TNRC6B: variants seen among roughly 807,000 people sequenced by gnomAD.
TNRC6B encodes trinucleotide repeat containing adaptor 6B.
TNRC6B carries 52 observed loss-of-function variants against 203.6 expected under a neutral mutation model. The ratio of observed to expected loss-of-function variants is 0.26; its 90% CI spans 0.20 to 0.32. The LOEUF (loss-of-function observed/expected upper bound fraction) is 0.32. Ranked by LOEUF, TNRC6B falls within the 10% of genes least tolerant of loss-of-function variation. The pLI, the probability that TNRC6B is intolerant of heterozygous loss-of-function variation, is 1.00. For synonymous variants in TNRC6B, 838 were observed against 845.7 expected, an observed-to-expected ratio of 0.99 and a Z score of 0.16; for missense variants, 1,923 against 2,286.2, an observed-to-expected ratio of 0.84 and a Z score of 3.24.
chr22:40,131,418 T>C (rs2068544176), intron 3 of TNRC6B, among the ~76,000 whole-genome samples: 1 of 151,606 alleles, frequency 6.6e-6, no homozygotes, highest in Non-Finnish European at 1.5e-5. Flanking sequence ...TTTTTTTTTT[T>C]CTCTGCCAGA....
intron 1 of TNRC6B, among the ~76,000 whole-genome samples, chr22:40,060,546 T>C (rs1247268619): frequency 6.6e-5 from 10 of 152,180 alleles, no homozygotes; most frequent in African/African-American, 1.4e-4. Flanking sequence ...TACCAAAGAA[T>C]AGACTTTGTG....
intron 3 of TNRC6B, among the ~76,000 whole-genome samples, chr22:40,137,635 A>G (rs1310901231): frequency 6.6e-6 from 1 of 152,100 alleles, no homozygotes; most frequent in Non-Finnish European, 1.5e-5. Context: ...GGCAATAGGG[A>G]ACTATTGAAG....
intron 5 of TNRC6B, among the ~76,000 whole-genome samples, chr22:40,267,657 G>A (rs756432417): frequency 5.9e-5 from 9 of 152,180 alleles, no homozygotes; most frequent in Non-Finnish European, 1.2e-4. Flanking sequence ...TTGAGCCCAG[G>A]AGTTTGAGAC....
intron 1 of TNRC6B, among the ~76,000 whole-genome samples, chr22:40,198,783 A>G (rs549496759): frequency 1.3e-5 from 2 of 152,276 alleles, no homozygotes; most frequent in East Asian, 3.9e-4. Flanking sequence ...AAAGGCATGC[A>G]TGCATGTGTA....
chr22:40,117,543 C>CCCACAG (rs2068400804), intron 2 of TNRC6B, among the ~76,000 whole-genome samples: 1 of 152,166 alleles, frequency 6.6e-6, no homozygotes, highest in Admixed American at 6.5e-5. Flanking sequence ...CAGATGTTGT[C>CCCACAG]CCACAGATCC....
chr22:40,084,252 G>A (rs1040746062), intron 1 of TNRC6B, among the ~76,000 whole-genome samples: 2 of 152,202 alleles, frequency 1.3e-5, no homozygotes, highest in Non-Finnish European at 2.9e-5. Flanking sequence ...CAGTTGAAAA[G>A]TTGTTTGCAT....
intron 1 of TNRC6B, among the ~76,000 whole-genome samples, chr22:40,236,206 T>A (rs2069945305): frequency 1.3e-5 from 2 of 152,204 alleles, no homozygotes. Flanking sequence ...CACCATCAAA[T>A]ACAGGACAGT....
chr22:40,055,396 G>C (rs1280146415), intron 1 of TNRC6B, among the ~76,000 whole-genome samples: 1 of 152,120 alleles, frequency 6.6e-6, no homozygotes, highest in Admixed American at 6.6e-5. Context: ...GTAGAGGCAT[G>C]GGGGAGCGTT....
chr22:40,180,857 T>C (rs1444142307), intron 1 of TNRC6B, among the ~76,000 whole-genome samples: 2 of 152,168 alleles, frequency 1.3e-5, no homozygotes, highest in African/African-American at 4.8e-5. Context: ...AAGTTTCTTA[T>C]TGGAGAAAGT....
At chr22:40,154,596 T>C (rs920532895) in intron 3 of TNRC6B, among the ~76,000 whole-genome samples, 1 of 151,240 alleles carries the variant, frequency 6.6e-6, no homozygotes, top group African/African-American at 2.4e-5. Context: ...ATCCTAGCAC[T>C]TTGGGAGGCC....
At position 40,267,183 on chromosome 22, in the gene TNRC6B, A is replaced by T. The variant is rs2070494024; in HGVS notation, c.2806+147A>T. 3.6e-6 allele frequency: 3 copies of T among 825,480 alleles called. No individual in the cohort carries two copies. The East Asian group carries it at 8.9e-5, about 24-fold the overall frequency. The allele number at this position is 825,480 out of a possible 1,614,324, so 51.1% of individuals were successfully genotyped here. A position where few individuals can be genotyped will look rare whatever the true frequency, so the allele number is the denominator to read the frequency against. On this transcript the variant is annotated intron_variant, in intron 5 of 22. Transcript: ENST00000454349. ...TCTGTTGCTAACAGAACCTCTTTTT[A>T]TGAAATGCTAGTGATGGCAGATGCT... is the stretch of plus-strand genomic sequence containing the variant.
At chr22:40,202,260 G>GTTTTTGTTTTTTTTT (rs761983025) in intron 1 of TNRC6B, among the ~76,000 whole-genome samples, 5 of 129,770 alleles carry the variant, frequency 3.9e-5, no homozygotes, top group African/African-American at 1.4e-4. Flanking sequence ...TTGTTTTTTT[G>GTTTTTGTTTTTTTTT]TTTTTTTTTT....
chr22:40,318,363 T>C lies in TNRC6B; in HGVS notation c.4974+2351T>C, dbSNP rs145117347. Among the ~76,000 whole-genome samples, 629 of 152,150 alleles carry C rather than the reference T, an allele frequency of 4.1e-3. 9 individuals carry two copies. The South Asian group carries it at 0.054, about 13-fold the overall frequency. The stretch of plus-strand genomic sequence containing the variant: ...GCAATCGAGACCATCCTGGCTAACA[T>C]GGTGAAACCCCATCTTTACTAAAAA... On this transcript the variant is annotated intron_variant, in intron 21 of 22. Coordinates refer to ENST00000454349, the MANE Select transcript of TNRC6B (RefSeq NM_001162501.2).
At chr22:40,123,894 C>CT (rs58632540) in intron 2 of TNRC6B, among the ~76,000 whole-genome samples, 41,444 of 135,806 alleles carry the variant, frequency 0.31, 7,915 homozygotes, top group African/African-American at 0.54. Context: ...AGAAAGAGAA[C>CT]TTTTTTTTTT....
chr22:40,072,726 T>TG (rs1306010325), intron 1 of TNRC6B, among the ~76,000 whole-genome samples: 1 of 151,828 alleles, frequency 6.6e-6, no homozygotes, highest in Non-Finnish European at 1.5e-5. Context: ...TAGCCGGGCA[T>TG]GGTGGCACGT....
intron 1 of TNRC6B, among the ~76,000 whole-genome samples, chr22:40,092,128 C>T (rs896208828): frequency 6.6e-5 from 10 of 152,150 alleles, no homozygotes; most frequent in Non-Finnish European, 5.9e-5. Flanking sequence ...TGAGGCCAGG[C>T]GTGTTGGCTC....
chr22:40,175,850 T>C (rs991112981), upstream of TNRC6B, among the ~76,000 whole-genome samples: 1 of 152,228 alleles, frequency 6.6e-6, no homozygotes, highest in Admixed American at 6.5e-5. Flanking sequence ...TTGCCTGCCA[T>C]GAAACAGCTC....
At chr22:40,052,469 T>G (rs1017113672) in intron 1 of TNRC6B, among the ~76,000 whole-genome samples, 16 of 144,874 alleles carry the variant, frequency 1.1e-4, no homozygotes, top group African/African-American at 3.7e-4. Flanking sequence ...TTTTTTTTTT[T>G]TTGTTGAGGC....
At chr22:40,101,096 A>G (rs2068236760) in intron 1 of TNRC6B, among the ~76,000 whole-genome samples, 1 of 151,604 alleles carries the variant, frequency 6.6e-6, no homozygotes, top group Non-Finnish European at 1.5e-5. Flanking sequence ...GGGCTCAAGC[A>G]ATTCTCCTGC....
Sources: gnomAD v4.1 joint callset for allele counts (sites outside exome capture counted in the v4.1 genomes callset) on GRCh38, gnomAD v4.1.1 for gene constraint, MANE v1.5 for transcripts, NCBI Gene and HGNC (gene_info 2026-07-23, HGNC 2026-07-21) for gene names.